GSE1: variants seen among roughly 807,000 people sequenced by gnomAD.
The protein encoded by GSE1 is genetic suppressor element 1.
In GSE1, 32 loss-of-function variants were observed where a neutral mutation model predicts 112.6. That is an observed-to-expected ratio of 0.28 (90% CI 0.21 to 0.38). The LOEUF is 0.38. Ranked by LOEUF, GSE1 falls within the 10% of genes least tolerant of loss-of-function variation. The pLI, the probability that GSE1 is intolerant of heterozygous loss-of-function variation, is 1.00. For missense variants in GSE1, 2,348 were observed against 1,699.2 expected (o/e 1.38, Z -6.71); for synonymous variants, 1,115 against 735.6 (o/e 1.52, Z -8.35).
At chr16:85,269,551 C>T (rs1339191313) in intron 1 of GSE1, among the ~76,000 whole-genome samples, 1 of 149,364 alleles carries the variant, frequency 6.7e-6, no homozygotes, top group African/African-American at 2.4e-5. Context: ...GTGCAAATGG[C>T]CTGTGGGGCT....
At chr16:85,285,247 C>T (rs1483446914) in intron 1 of GSE1, 1 of 152,218 alleles carries the variant, frequency 6.6e-6, no homozygotes, top group Non-Finnish European at 1.5e-5. Flanking sequence ...CTGCCCCAAA[C>T]AGTCCATTTG....
At chr16:85,409,216 G>T (rs546250787) in intron 2 of GSE1, among the ~76,000 whole-genome samples, 1 of 34,566 alleles carries the variant, frequency 2.9e-5, no homozygotes, top group African/African-American at 1.6e-4. Context: ...AGGGCCCCCC[G>T]GATAATCCTC....
chr16:85,191,945 G>A (rs2074832211), intron 1 of GSE1, among the ~76,000 whole-genome samples: 1 of 152,226 alleles, frequency 6.6e-6, no homozygotes, highest in African/African-American at 2.4e-5. Context: ...GGCGTGTGCA[G>A]AGGGGCAGGG....
At chr16:85,249,988 C>T (rs1304627408) in intron 1 of GSE1, among the ~76,000 whole-genome samples, 1 of 152,248 alleles carries the variant, frequency 6.6e-6, no homozygotes, top group East Asian at 1.9e-4. Flanking sequence ...GAGAACGGCT[C>T]CTGCCTCCCA....
intron 2 of GSE1, among the ~76,000 whole-genome samples, chr16:85,644,832 C>A (rs1475620782): frequency 6.8e-6 from 1 of 148,006 alleles, no homozygotes. Context: ...CAACTGAAAC[C>A]CAAGAGCCAT....
In GSE1 at chr16:85,389,197, T is replaced by C. The variant is rs187930036; in HGVS notation, c.2464+31554T>C. ...TGCTAGGGGCCGGGGCAGTGGCTCATGCCTGTTATCCCAGCACTTTGGGAG... is the reference window on the plus strand; with the variant it reads ...TGCTAGGGGCCGGGGCAGTGGCTCACGCCTGTTATCCCAGCACTTTGGGAG... On this transcript the variant is annotated intron_variant, in intron 2 of 2. Coordinates refer to the GSE1 transcript ENST00000637419. Among the ~76,000 whole-genome samples, 7 of 152,244 alleles carry C rather than the reference T, an allele frequency of 4.6e-5. No individual in the cohort carries two copies. The East Asian group carries it at 1.2e-3, about 25-fold the overall frequency.
rs1567685902 is a variant in GSE1, at chr16:85,320,453, G to GTT, written c.2284-37007_2284-37006dup. ...CCATACCCGGCTAATGTTTTGTTTT[G>GTT]TTTTGTTTTGTTTTGTTTTTTTGTA... On this transcript the variant is annotated intron_variant, in intron 1 of 2. Coordinates refer to the GSE1 transcript ENST00000637419. Among the ~76,000 whole-genome samples, 284 of 151,848 alleles carry GTT rather than the reference G, an allele frequency of 1.9e-3. 1 individual carries two copies. The highest frequency in any genetic ancestry group is 6.3e-3 in the African/African-American group (260 of 41,420).
intron 13 of GSE1, 38 bp downstream of exon 13, chr16:85,666,385 T>C: frequency 1.2e-6 from 2 of 1,610,062 alleles, no homozygotes; most frequent in South Asian, 1.1e-5. Flanking sequence ...CTCTCGGCTG[T>C]GGTTGAGGCT....
chr16:85,645,402 C>G (rs2050771282), intron 2 of GSE1, among the ~76,000 whole-genome samples: 1 of 152,124 alleles, frequency 6.6e-6, no homozygotes, highest in Admixed American at 6.5e-5. Flanking sequence ...TGGAGCTGCC[C>G]TATCCAGTTG....
chr16:85,632,394 CA>C lies in GSE1; in HGVS notation c.8-1519del, dbSNP rs552026889. Among the ~76,000 whole-genome samples the C allele has an allele frequency of 1.1e-4, 17 of 152,310 alleles. 1 individual carries two copies. In the East Asian group the frequency reaches 3.1e-3, roughly 28 times the overall value. On this transcript the variant is annotated intron_variant, in intron 1 of 15. Transcript: ENST00000253458. ...CAGGCAGTGCCCCCAGCCCTTCCCT[CA>C]GTGCCCCCAAAGAATTATTTTCTCC...
intron 2 of GSE1, among the ~76,000 whole-genome samples, chr16:85,455,970 A>C (rs2049815661): frequency 6.6e-6 from 1 of 152,142 alleles, no homozygotes; most frequent in Admixed American, 6.5e-5. Context: ...TAGCATCCTT[A>C]TTTTAGAGAC....
intron 1 of GSE1, among the ~76,000 whole-genome samples, chr16:85,591,079 G>A (rs1229403162): frequency 6.6e-6 from 1 of 152,216 alleles, no homozygotes; most frequent in Non-Finnish European, 1.5e-5. Context: ...GTTCGTGTGG[G>A]AAGAGATGCT....
chr16:85,663,715 C>T, intron 11 of GSE1, 101 bp downstream of exon 11: 1 of 1,215,162 alleles, frequency 8.2e-7, no homozygotes, highest in Admixed American at 2.2e-5. Flanking sequence ...GATCTGCGAT[C>T]ACTGAGCCTG....
chr16:85,410,974 C>T (rs2048516801), intron 2 of GSE1, among the ~76,000 whole-genome samples: 2 of 100,992 alleles, frequency 2.0e-5, no homozygotes, highest in African/African-American at 1.2e-4. Context: ...CACTGTTACA[C>T]TCAGGGCCCC....
intron 1 of GSE1, among the ~76,000 whole-genome samples, chr16:85,574,570 G>A (rs567210509): frequency 1.3e-5 from 2 of 152,362 alleles, no homozygotes; most frequent in African/African-American, 2.4e-5. Context: ...CACACCCAAA[G>A]CCAGGTCATT....
chr16:85,598,137 CTCTT>C (rs558839342), intron 1 of GSE1, among the ~76,000 whole-genome samples: 8 of 147,400 alleles, frequency 5.4e-5, no homozygotes, highest in South Asian at 2.2e-4. Context: ...TTTTCTCTCT[CTCTT>C]TCTCTCCCAG....
chr16:85,658,928 C>T (rs1334342454), intron 8 of GSE1, among the ~76,000 whole-genome samples: 2 of 152,258 alleles, frequency 1.3e-5, no homozygotes, highest in African/African-American at 2.4e-5. Flanking sequence ...AGGGCCTGGC[C>T]TCCCCTGGCT....
At chr16:85,230,201 C>T (rs535587495) in intron 1 of GSE1, among the ~76,000 whole-genome samples, 90 of 152,264 alleles carry the variant, frequency 5.9e-4, no homozygotes, top group African/African-American at 2.1e-3. Context: ...CTCCTTTAAC[C>T]CCATGCTGGC....
chr16:85,669,182 G>A (rs2053127018), intron 14 of GSE1, among the ~76,000 whole-genome samples: 1 of 152,250 alleles, frequency 6.6e-6, no homozygotes, highest in African/African-American at 2.4e-5. Flanking sequence ...GAACAGCAGA[G>A]GTACCCAGCC....
Sources: allele counts gnomAD v4.1 joint callset (sites outside exome capture counted in the v4.1 genomes callset), GRCh38; gene constraint gnomAD v4.1.1; transcripts MANE v1.5; gene names NCBI Gene and HGNC (gene_info 2026-07-23, HGNC 2026-07-21).